Variants in NWD2 observed in about 807,000 individuals in gnomAD.
NWD2 encodes the protein NACHT and WD repeat domain-containing protein 2.
In NWD2, 37 loss-of-function variants were observed where a neutral mutation model predicts 132.7. That is an observed-to-expected ratio of 0.28 (90% confidence interval 0.21 to 0.37). NWD2 has a LOEUF of 0.37. NWD2 is among the 10% of genes least tolerant of loss of function. NWD2 has a pLI of 1.00. For synonymous variants in NWD2, 705 were observed against 803.0 expected, an observed-to-expected ratio of 0.88 and a Z score of 2.06; for missense variants, 1,592 against 2,122.4, an observed-to-expected ratio of 0.75 and a Z score of 4.91.
chr4:37,402,704 C>T (rs537847026), intron 3 of NWD2, among the ~76,000 whole-genome samples: 3 of 152,242 alleles, frequency 2.0e-5, no homozygotes, highest in Non-Finnish European at 1.5e-5. Flanking sequence ...TACGTTCTAG[C>T]CCTGGCTGTT....
chr4:37,342,065 G>C (rs1342125377), intron 2 of NWD2, among the ~76,000 whole-genome samples: 1 of 152,106 alleles, frequency 6.6e-6, no homozygotes, highest in Non-Finnish European at 1.5e-5. Flanking sequence ...GCACTGATAC[G>C]GTTTGGATGT....
chr4:37,365,150 TATG>T (rs1162059912), intron 3 of NWD2, among the ~76,000 whole-genome samples: 3 of 152,228 alleles, frequency 2.0e-5, no homozygotes, highest in Non-Finnish European at 4.4e-5. Context: ...AAGAAAACTA[TATG>T]ATGAGATTTC....
intron 1 of NWD2, among the ~76,000 whole-genome samples, chr4:37,292,873 C>A (rs561446121): frequency 6.6e-6 from 1 of 152,122 alleles, no homozygotes; most frequent in African/African-American, 2.4e-5. Context: ...ACTGATTTGA[C>A]AGGAGGTAGA....
At chr4:37,336,782 TA>T (rs1336477780) in intron 2 of NWD2, among the ~76,000 whole-genome samples, 12 of 151,122 alleles carry the variant, frequency 7.9e-5, no homozygotes, top group Non-Finnish European at 1.2e-4. Context: ...CTACTAAAAA[TA>T]AAAAAATTAG....
At chr4:37,253,348 C>G (rs1337267917) in intron 1 of NWD2, among the ~76,000 whole-genome samples, 1 of 152,166 alleles carries the variant, frequency 6.6e-6, no homozygotes, top group African/African-American at 2.4e-5. Context: ...AGATATTCTT[C>G]TAGCCACTCA....
intron 1 of NWD2, among the ~76,000 whole-genome samples, chr4:37,267,587 T>G (rs1717781303): frequency 6.6e-6 from 1 of 151,960 alleles, no homozygotes; most frequent in Admixed American, 6.6e-5. Flanking sequence ...CACGGATGCA[T>G]CTAGTCACAA....
At chr4:37,311,569 T>C (rs1718842438) in intron 1 of NWD2, among the ~76,000 whole-genome samples, 1 of 149,470 alleles carries the variant, frequency 6.7e-6, no homozygotes, top group South Asian at 2.1e-4. Flanking sequence ...AAAAATTTTC[T>C]CCCATTTTGT....
At chr4:37,368,228 C>T (rs1217751485) in intron 3 of NWD2, among the ~76,000 whole-genome samples, 1 of 152,178 alleles carries the variant, frequency 6.6e-6, no homozygotes, top group Non-Finnish European at 1.5e-5. Flanking sequence ...CCAAAACCTG[C>T]ACTTGAAAAT....
chr4:37,337,166 C>T (rs1310304923), intron 2 of NWD2, among the ~76,000 whole-genome samples: 1 of 152,132 alleles, frequency 6.6e-6, no homozygotes, highest in Non-Finnish European at 1.5e-5. Context: ...CATTTGCCTG[C>T]TGTATTAATC....
At chr4:37,292,041 T>G (rs531417897) in intron 1 of NWD2, among the ~76,000 whole-genome samples, 41 of 144,268 alleles carry the variant, frequency 2.8e-4, no homozygotes, top group Middle Eastern at 3.4e-3. Flanking sequence ...ATCATTAAGT[T>G]TTTTTAGAAA....
At chr4:37,339,565 C>G (rs1484892998) in intron 2 of NWD2, among the ~76,000 whole-genome samples, 1 of 152,184 alleles carries the variant, frequency 6.6e-6, no homozygotes, top group Non-Finnish European at 1.5e-5. Context: ...ATTGATCTTG[C>G]AATAAACAGA....
chr4:37,340,754 G>T (rs1169614772), intron 2 of NWD2, among the ~76,000 whole-genome samples: 1 of 152,198 alleles, frequency 6.6e-6, no homozygotes, highest in East Asian at 1.9e-4. Context: ...AATTCTAACA[G>T]TATATAGAAA....
intron 5 of NWD2, 59 bp downstream of exon 5, chr4:37,434,079 G>T (rs1712250943): frequency 1.7e-6 from 2 of 1,156,580 alleles, no homozygotes; most frequent in South Asian, 1.8e-5. Context: ...TACATCTACT[G>T]CTTCCCTTTA....
chr4:37,293,346 C>T (rs1718403515), intron 1 of NWD2, among the ~76,000 whole-genome samples: 1 of 152,180 alleles, frequency 6.6e-6, no homozygotes, highest in Non-Finnish European at 1.5e-5. Flanking sequence ...GCAGATTACT[C>T]ATATCCTCCA....
chr4:37,370,057 A>C (rs951070474), intron 3 of NWD2, among the ~76,000 whole-genome samples: 1 of 151,930 alleles, frequency 6.6e-6, no homozygotes, highest in Non-Finnish European at 1.5e-5. Flanking sequence ...ACTGCTCCTC[A>C]CTCCTTTCCA....
chr4:37,327,395 G>A (rs1336747768), intron 2 of NWD2, among the ~76,000 whole-genome samples: 2 of 152,128 alleles, frequency 1.3e-5, no homozygotes, highest in Non-Finnish European at 2.9e-5. Context: ...AACTGTACTA[G>A]GCGAGGCCCA....
rs981636808 is a variant in NWD2 at position 37,443,846 on chromosome 4, G to A, written c.1858G>A (p.Val620Met). The stretch of plus-strand genomic sequence containing the variant: ...GTTTGTGAACCTGACCTTCAGGGAG[G>A]TGAGGCACTGGAGATCTCACAAAGA... ...PMFVNLTFRE[V>M]RHWRSHKDVD... Residue 620 changes from valine to methionine, a missense_variant, in exon 7 of 7, where the codon GTG (valine) becomes ATG (methionine). Coordinates refer to ENST00000309447, the MANE Select transcript of NWD2 (RefSeq NM_001144990.2). This position sits in a 1 kb window ranked among gnomAD's most constrained non-coding sequence, Gnocchi z 4.1. 3.2e-6 allele frequency: 5 copies of A among 1,552,252 alleles called. No individual in the cohort carries two copies. In the South Asian group the frequency reaches 3.6e-5, roughly 11 times the overall value.
At chr4:37,338,705 G>C (rs1719460706) in intron 2 of NWD2, among the ~76,000 whole-genome samples, 1 of 152,204 alleles carries the variant, frequency 6.6e-6, no homozygotes, top group Admixed American at 6.5e-5. Context: ...ATCACTTACT[G>C]TCACACTGCA....
At chr4:37,366,026 A>G (rs2109303934) in intron 3 of NWD2, among the ~76,000 whole-genome samples, 1 of 152,346 alleles carries the variant, frequency 6.6e-6, no homozygotes. Flanking sequence ...GTGGAGACAA[A>G]TGTGATTAGA....
Sources: gnomAD v4.1 joint callset for allele counts (sites outside exome capture counted in the v4.1 genomes callset) on GRCh38, gnomAD v4.1.1 for gene constraint, Gnocchi (gnomAD v3.1) non-coding constraint, MANE v1.5 for transcripts, NCBI Gene and HGNC (gene_info 2026-07-23, HGNC 2026-07-21) for gene names.